NSUN3: variants seen among roughly 807,000 people sequenced by gnomAD.
NSUN3 encodes the protein NOP2/Sun RNA methyltransferase 3, also known as tRNA (cytosine(34)-C(5))-methyltransferase, mitochondrial.
A neutral mutation model predicts 36.8 loss-of-function variants in NSUN3; 24 were observed. The ratio of observed to expected loss-of-function variants is 0.65; its 90% confidence interval spans 0.47 to 0.92. NSUN3 has a LOEUF of 0.92. NSUN3 is among the 40% of genes least tolerant of loss of function. The pLI, the probability that NSUN3 is intolerant of heterozygous loss-of-function variation, is 0.00. For missense variants in NSUN3, 381 were observed against 392.8 expected, an observed-to-expected ratio of 0.97 and a Z score of 0.25; for synonymous variants, 146 against 145.2, an observed-to-expected ratio of 1.01 and a Z score of -0.04.
intron 2 of NSUN3, among the ~76,000 whole-genome samples, chr3:94,075,625 A>G (rs1344276518): frequency 6.6e-6 from 1 of 152,194 alleles, no homozygotes; most frequent in Non-Finnish European, 1.5e-5. Context: ...AAGAAAAATA[A>G]TCACACATGA....
intron 2 of NSUN3, among the ~76,000 whole-genome samples, chr3:94,073,356 T>C (rs552261974): frequency 1.3e-5 from 2 of 152,230 alleles, no homozygotes; most frequent in Non-Finnish European, 2.9e-5. Flanking sequence ...TTTCTAGTTC[T>C]AGATCCTTGA....
At chr3:94,070,416 G>A (rs1222607679) in intron 2 of NSUN3, among the ~76,000 whole-genome samples, 4 of 152,094 alleles carry the variant, frequency 2.6e-5, no homozygotes, top group Admixed American at 6.6e-5. Context: ...AGCCATGATC[G>A]CACAGCTGTA....
At chr3:94,105,294 A>G (rs2077384293) in intron 5 of NSUN3, among the ~76,000 whole-genome samples, 1 of 152,110 alleles carries the variant, frequency 6.6e-6, no homozygotes, top group Admixed American at 6.5e-5. Context: ...AAAAACCACG[A>G]TCCAGCCTAT....
At position 94,126,762 on chromosome 3, in the gene NSUN3, T is replaced by C. The variant is rs1374651979; in HGVS notation, c.*272T>C. Reference sequence around the variant, plus strand: ...CTTTGCTTGGCATTTTATAGTTAAATTAATTAGAATATGTGGTTTTATGCA... The same window carrying C: ...CTTTGCTTGGCATTTTATAGTTAAACTAATTAGAATATGTGGTTTTATGCA... On this transcript the variant is annotated 3_prime_UTR_variant, in exon 6 of 6. Coordinates refer to ENST00000314622, the MANE Select transcript of NSUN3 (RefSeq NM_022072.5). The C allele has an allele frequency of 3.2e-6, 1 of 315,578 alleles. No homozygotes were observed. The highest frequency in any genetic ancestry group is 5.8e-6 in the Non-Finnish European group (1 of 171,336). The allele number at this position is 315,578 out of a possible 1,614,324, so 19.5% of individuals were successfully genotyped here. A position where few individuals can be genotyped will look rare whatever the true frequency, so the allele number is the denominator to read the frequency against.
intron 5 of NSUN3, among the ~76,000 whole-genome samples, chr3:94,097,406 A>G (rs2077346915): frequency 6.6e-6 from 1 of 151,830 alleles, no homozygotes; most frequent in Non-Finnish European, 1.5e-5. Flanking sequence ...TTTTCCATGT[A>G]GATCTACTTT....
At position 94,128,272 on chromosome 3, in the gene NSUN3, A is replaced by G. The variant is rs899882118; in HGVS notation, c.*1782A>G. 1 of 152,120 alleles carries G rather than the reference A, an allele frequency of 6.6e-6. No homozygotes were observed. Among genetic ancestry groups the G allele is most frequent in the African/African-American group, 2.4e-5 (1 of 41,418 alleles). 9.4% of individuals were successfully genotyped at this position (152,120 alleles called of 1,614,324 possible). A position where few individuals can be genotyped will look rare whatever the true frequency, so the allele number is the denominator to read the frequency against. ...TTAAATAAAAATAAAGTAACGCTAG[A>G]ACTGTTGGACCAAATCAAGTATATG... On this transcript the variant is annotated 3_prime_UTR_variant, in exon 6 of 6. Transcript: ENST00000314622.
chr3:94,092,062 C>A (rs2077317183), intron 3 of NSUN3, among the ~76,000 whole-genome samples: 1 of 152,230 alleles, frequency 6.6e-6, no homozygotes. Flanking sequence ...TGTATGCTTG[C>A]AATACCTGGC....
intron 3 of NSUN3, among the ~76,000 whole-genome samples, chr3:94,090,313 A>G (rs2077309411): frequency 6.6e-6 from 1 of 152,186 alleles, no homozygotes; most frequent in East Asian, 1.9e-4. Flanking sequence ...TATATTTCAT[A>G]TTTTTAAAAA....
intron 2 of NSUN3, among the ~76,000 whole-genome samples, chr3:94,074,595 GCTGT>G (rs1403463085): frequency 2.6e-5 from 4 of 152,176 alleles, no homozygotes; most frequent in South Asian, 2.1e-4. Context: ...TCATGATTTG[GCTGT>G]CTGTTTGTCT....
intron 5 of NSUN3, among the ~76,000 whole-genome samples, chr3:94,109,754 A>C (rs1271336508): frequency 6.6e-6 from 1 of 152,186 alleles, no homozygotes; most frequent in East Asian, 1.9e-4. Flanking sequence ...TGCTGCCCTT[A>C]CCTACATGTT....
chr3:94,115,917 G>A (rs1269801991), intron 5 of NSUN3, among the ~76,000 whole-genome samples: 3 of 152,276 alleles, frequency 2.0e-5, no homozygotes, highest in Admixed American at 1.3e-4. Flanking sequence ...GGGAAAAATA[G>A]GACATCCTGC....
rs528444305 is a variant in NSUN3 at position 94,093,500 on chromosome 3, C to A, written c.467-640C>A. ...GCAAGATTGCTTATGATAAAGATGACCCTGATTGGTAAACTGCATGTGGGC... is the reference window on the plus strand; with the variant it reads ...GCAAGATTGCTTATGATAAAGATGAACCTGATTGGTAAACTGCATGTGGGC... On this transcript the variant is annotated intron_variant, in intron 3 of 5. Transcript: ENST00000314622. 7.6e-4 allele frequency among the ~76,000 whole-genome samples: 115 copies of A among 152,156 alleles called. 1 individual carries two copies. Among genetic ancestry groups the A allele is most frequent in the African/African-American group, 2.7e-3 (113 of 41,516 alleles).
chr3:94,116,944 G>GA (rs1417242927), intron 5 of NSUN3, among the ~76,000 whole-genome samples: 10 of 142,582 alleles, frequency 7.0e-5, no homozygotes, highest in African/African-American at 2.6e-4. Context: ...AGCCTTACAT[G>GA]AGTTTAGGTC....
chr3:94,083,552 C>A (rs2077279871), intron 2 of NSUN3, among the ~76,000 whole-genome samples: 1 of 152,136 alleles, frequency 6.6e-6, no homozygotes, highest in African/African-American at 2.4e-5. Context: ...GTGCAAATAT[C>A]TGATTGGTTA....
Position 94,095,413 on chromosome 3 carries a change from G to A in NSUN3, c.743+259G>A, listed in dbSNP as rs142759477. On this transcript the variant is annotated intron_variant, in intron 5 of 5. Transcript: ENST00000314622. ...AAAGGGCATAGGCAATTTTACTGTAGTTCAAAGTTGTTTGCTCACTGGGAC... is the reference window on the plus strand; with the variant it reads ...AAAGGGCATAGGCAATTTTACTGTAATTCAAAGTTGTTTGCTCACTGGGAC... Among the ~76,000 whole-genome samples the A allele has an allele frequency of 1.6e-3, 249 of 152,308 alleles. 2 individuals carry two copies. The highest frequency in any genetic ancestry group is 5.7e-3 in the African/African-American group (238 of 41,562).
chr3:94,110,735 TACACACAC>T (rs145414941), intron 5 of NSUN3, among the ~76,000 whole-genome samples: 36 of 143,076 alleles, frequency 2.5e-4, no homozygotes, highest in African/African-American at 8.4e-4. Context: ...TATACATGTA[TACACACAC>T]ACACACACAC....
Position 94,088,404 on chromosome 3 carries a change from A to G in NSUN3, c.466+3954A>G, listed in dbSNP as rs1313103058. ...CATATATAAATCTTTCTAAAATCCT[A>G]GGGCTCTGAGGAACTGTGACTATCA... On this transcript the variant is annotated intron_variant, in intron 3 of 5. Transcript: ENST00000314622. 2.0e-5 allele frequency among the ~76,000 whole-genome samples: 3 copies of G among 152,112 alleles called. No individual in the cohort carries two copies. The East Asian group carries it at 5.8e-4, about 29-fold the overall frequency.
At chr3:94,070,940 G>T (rs969109609) in intron 2 of NSUN3, among the ~76,000 whole-genome samples, 45 of 152,134 alleles carry the variant, frequency 3.0e-4, no homozygotes, top group South Asian at 4.1e-4. Flanking sequence ...GTGATTTGGG[G>T]ATATAACTCC....
intron 5 of NSUN3, among the ~76,000 whole-genome samples, chr3:94,122,093 C>A (rs916577790): frequency 6.7e-6 from 1 of 148,876 alleles, no homozygotes; most frequent in African/African-American, 2.5e-5. Context: ...TGCAGTGAGC[C>A]AGGATTGCAC....
Sources: gnomAD v4.1 joint callset for allele counts (sites outside exome capture counted in the v4.1 genomes callset) on GRCh38, gnomAD v4.1.1 for gene constraint, MANE v1.5 for transcripts, NCBI Gene and HGNC (gene_info 2026-07-23, HGNC 2026-07-21) for gene names.